Variants in DST observed in about 807,000 individuals in gnomAD.
The protein encoded by DST is bullous pemphigoid antigen.
In DST, 253 loss-of-function variants were observed where a neutral mutation model predicts 875.2. The ratio of observed to expected loss-of-function variants is 0.29; its 90% CI spans 0.26 to 0.32. DST has a LOEUF of 0.32. Ranked by LOEUF, DST falls within the 10% of genes least tolerant of loss-of-function variation. The pLI is 1.00. For synonymous variants in DST, 3,124 were observed against 3,197.1 expected (o/e 0.98, Z 0.77); for missense variants, 8,287 against 9,111.6 (o/e 0.91, Z 3.68).
chr6:56,858,845 TA>T (rs1769406818), intron 3 of DST, among the ~76,000 whole-genome samples: 1 of 152,212 alleles, frequency 6.6e-6, no homozygotes, highest in Non-Finnish European at 1.5e-5. Context: ...TCTTATTTAA[TA>T]CTCACTGAAA....
intron 32 of DST, 31 bp from the exon 33 acceptor site, chr6:56,628,192 G>T: frequency 6.3e-7 from 1 of 1,596,194 alleles, no homozygotes. Context: ...TAGTCACGGT[G>T]TCCAGCGATA....
chr6:56,813,128 T>G (rs1338642501), intron 4 of DST, among the ~76,000 whole-genome samples: 2 of 149,588 alleles, frequency 1.3e-5, no homozygotes, highest in African/African-American at 4.9e-5. Context: ...GTAAACTATC[T>G]CAAGAACAAA....
At chr6:56,471,872 A>G in intron 94 of DST, 187 bp downstream of exon 94, 4 of 652,758 alleles carry the variant, frequency 6.1e-6, no homozygotes, top group South Asian at 3.6e-5. Context: ...CAAATCCCAT[A>G]TATCAATATT....
chr6:56,831,626 G>A (rs907463582), intron 4 of DST, among the ~76,000 whole-genome samples: 3 of 152,050 alleles, frequency 2.0e-5, no homozygotes, highest in East Asian at 1.9e-4. Flanking sequence ...CTCTTTGAGA[G>A]GCTACAAACC....
At chr6:56,461,418 A>G (rs986075336) in intron 102 of DST, 2 of 152,224 alleles carry the variant, frequency 1.3e-5, no homozygotes, top group African/African-American at 2.4e-5. Flanking sequence ...GACAATGCTG[A>G]TCTAGCTAAA....
At chr6:56,500,962 T>C (rs370627250) in intron 80 of DST, 118 bp downstream of exon 80, 4 of 939,470 alleles carry the variant, frequency 4.3e-6, no homozygotes, top group Non-Finnish European at 4.6e-6. Context: ...ATGTCAAATA[T>C]GAACTTGTGT....
chr6:56,597,878 C>T lies in DST; in HGVS notation c.12057G>A (p.Gly4019=). 6.2e-7 allele frequency: 1 copy of T among 1,613,840 alleles called. No individual in the cohort carries two copies. Among genetic ancestry groups the T allele is most frequent in the East Asian group, 2.2e-5 (1 of 44,876 alleles). ...TGCCATCACCTTCTTGAAAATGGGT[C>T]CCGTTCTGTTCGATTACCTGTTTGT... ...TKHKQVIEQN[G]THFQEGDGKS... The change falls in exon 47 of 104, where the codon GGG becomes GGA. Residue 4019 remains glycine (G), a synonymous_variant. Transcript: ENST00000680361.
intron 78 of DST, among the ~76,000 whole-genome samples, chr6:56,502,345 C>T (rs1379844919): frequency 2.6e-5 from 4 of 152,062 alleles, no homozygotes; most frequent in Admixed American, 1.3e-4. Context: ...TGTAACAGTA[C>T]AAAATTCATG....
chr6:56,620,387 C>T lies in DST; in HGVS notation c.4929+4143G>A, dbSNP rs758665411. On this transcript the variant is annotated intron_variant, in intron 36 of 103. Transcript: ENST00000680361. ...GGCCTCTATGGTGAGCTGCCTCACC[C>T]GCTCCAGTTCTCTTTCAGCGGCTTC... 25 of 1,614,008 alleles carry T rather than the reference C, an allele frequency of 1.5e-5. No individual in the cohort carries two copies. The highest frequency in any genetic ancestry group is 1.1e-4 in the South Asian group (10 of 91,090).
intron 49 of DST, among the ~76,000 whole-genome samples, chr6:56,583,962 T>C (rs1234637415): frequency 6.6e-6 from 1 of 152,224 alleles, no homozygotes; most frequent in African/African-American, 2.4e-5. Context: ...ATCTCTGTTT[T>C]GGTACCAGTA....
At chr6:56,822,801 T>C (rs943872371) in intron 4 of DST, among the ~76,000 whole-genome samples, 1 of 151,664 alleles carries the variant, frequency 6.6e-6, no homozygotes, top group African/African-American at 2.4e-5. Flanking sequence ...AGCTACACTA[T>C]TATTTATTTA....
At position 56,460,134 on chromosome 6, in the gene DST, C is replaced by A. The variant is rs1422000825; in HGVS notation, c.23191G>T (p.Ala7731Ser). 6 of 1,611,366 alleles carry A rather than the reference C, an allele frequency of 3.7e-6. No individual in the cohort carries two copies. The highest frequency in any genetic ancestry group is 2.7e-5 in the African/African-American group (2 of 74,914). Residue 7731 changes from alanine (A) to serine (S), a missense_variant, in exon 103 of 104, where the codon GCT (alanine) becomes TCT (serine). Ala to Ser is a moderately conservative substitution (Grantham distance 99). Coordinates refer to ENST00000680361, the MANE Select transcript of DST (RefSeq NM_001374736.1). ...TAAARVRTQF[A>S]DSKKTPSRPG... ...AAAAGAAAGGCACCACACTCACCAG[C>A]AAACTGTGTTCGGACTCTGGCAGCT...
At chr6:56,716,305 G>A (rs2099394315) in intron 5 of DST, among the ~76,000 whole-genome samples, 1 of 152,214 alleles carries the variant, frequency 6.6e-6, no homozygotes, top group South Asian at 2.1e-4. Context: ...ATTCAGTGGA[G>A]AAAGGATAGC....
Position 56,531,259 on chromosome 6 carries a change from G to A in DST, c.17108+1085C>T, listed in dbSNP as rs77010324. 8.9e-3 allele frequency among the ~76,000 whole-genome samples: 1,361 copies of A among 152,202 alleles called. 21 individuals are homozygous for A. The highest frequency in any genetic ancestry group is 0.032 in the African/African-American group (1,310 of 41,526). ...TTTAAACTGTCCACAATAAATCTGG[G>A]CATGAATCATAACCATTACCAATAT... On this transcript the variant is annotated intron_variant, in intron 64 of 103. Transcript: ENST00000680361.
intron 8 of DST, 59 bp from the exon 9 acceptor site, chr6:56,699,804 C>T: frequency 2.8e-6 from 2 of 712,494 alleles, no homozygotes; most frequent in Non-Finnish European, 4.4e-6. Flanking sequence ...AACCAGTTAT[C>T]TTTACCTACA....
At chr6:56,677,530 G>A (rs1036294465) in intron 9 of DST, among the ~76,000 whole-genome samples, 1 of 152,000 alleles carries the variant, frequency 6.6e-6, no homozygotes, top group East Asian at 1.9e-4. Context: ...TGTTGTCCAC[G>A]AACTGCTGGC....
chr6:56,756,633 G>A (rs982203403), intron 4 of DST, among the ~76,000 whole-genome samples: 2 of 152,142 alleles, frequency 1.3e-5, no homozygotes, highest in African/African-American at 4.8e-5. Context: ...GACACGCAGA[G>A]AAAAAGAGAG....
chr6:56,803,173 C>T (rs1420065402), intron 4 of DST, among the ~76,000 whole-genome samples: 3 of 152,106 alleles, frequency 2.0e-5, no homozygotes, highest in Non-Finnish European at 4.4e-5. Context: ...GGTTAACTGG[C>T]AGAACCAAAA....
Position 56,639,243 on chromosome 6 carries a change from C to T in DST, c.2964+16G>A, listed in dbSNP as rs756741680. On this transcript the variant is annotated intron_variant, in intron 22 of 103. Coordinates refer to ENST00000680361, the MANE Select transcript of DST (RefSeq NM_001374736.1). ...TATCAATATTCAACCAACACCATTA[C>T]ACTTTCCAGCTTTACCTCAATAGTT... is the stretch of plus-strand genomic sequence containing the variant. 9.3e-5 allele frequency: 148 copies of T among 1,594,166 alleles called. 1 individual carries two copies. Among genetic ancestry groups the T allele is most frequent in the Non-Finnish European group, 1.2e-4 (143 of 1,162,252 alleles).
Sources: allele counts gnomAD v4.1 joint callset (sites outside exome capture counted in the v4.1 genomes callset), GRCh38; gene constraint gnomAD v4.1.1; transcripts MANE v1.5; gene names NCBI Gene and HGNC (gene_info 2026-07-23, HGNC 2026-07-21).